The following SCAI variants were observed in gnomAD, a reference collection of about 807,000 sequenced individuals.
SCAI encodes protein SCAI.
In SCAI, 24 loss-of-function variants were observed where a neutral mutation model predicts 92.2. The observed-to-expected ratio is 0.26, with a 90% CI of 0.19 to 0.37. SCAI has a LOEUF of 0.37. SCAI is among the 10% of genes least tolerant of loss of function. The pLI is 1.00. For missense variants in SCAI, 450 were observed against 736.2 expected (o/e 0.61, Z 4.50); for synonymous variants, 261 against 258.6 (o/e 1.01, Z -0.09).
intron 14 of SCAI, among the ~76,000 whole-genome samples, chr9:124,985,469 A>T (rs1831969446): frequency 6.6e-6 from 1 of 152,156 alleles, no homozygotes; most frequent in African/African-American, 2.4e-5. Context: ...CATACAAGTA[A>T]TTTTTAAGAA....
chr9:125,056,011 TAAGAAAAC>T lies in SCAI; in HGVS notation c.99-12_99-5del. ...TTCTTTAAGAGCAAATTCAGTCCTGTAAGAAAACATATGTTCATTCATGCAGGAGGTAA... is the reference window on the plus strand; with the variant it reads ...TTCTTTAAGAGCAAATTCAGTCCTGTATATGTTCATTCATGCAGGAGGTAA... On this transcript the variant is annotated splice_polypyrimidine_tract_variant and splice_region_variant and intron_variant, in intron 2 of 17. Transcript: ENST00000336505. The T allele has an allele frequency of 1.9e-6, 3 of 1,595,504 alleles. No homozygotes were observed. The highest frequency in any genetic ancestry group is 2.6e-6 in the Non-Finnish European group (3 of 1,171,154).
chr9:125,100,183 C>T (rs1302158406), intron 2 of SCAI, among the ~76,000 whole-genome samples: 1 of 152,216 alleles, frequency 6.6e-6, no homozygotes, highest in Non-Finnish European at 1.5e-5. Context: ...GCTCTTGTCT[C>T]TTGTGGTGAT....
At chr9:125,055,253 T>C (rs866229480) in intron 3 of SCAI, among the ~76,000 whole-genome samples, 1 of 152,224 alleles carries the variant, frequency 6.6e-6, no homozygotes, top group African/African-American at 2.4e-5. Context: ...ACCTATTGTA[T>C]GAATTTTCTT....
intron 3 of SCAI, among the ~76,000 whole-genome samples, chr9:125,047,098 G>C (rs941513744): frequency 6.6e-6 from 1 of 152,024 alleles, no homozygotes; most frequent in Non-Finnish European, 1.5e-5. Flanking sequence ...CCCAAAACTC[G>C]TACATTCAAC....
chr9:125,108,196 C>G (rs1416640542), intron 2 of SCAI, among the ~76,000 whole-genome samples: 1 of 152,270 alleles, frequency 6.6e-6, no homozygotes, highest in African/African-American at 2.4e-5. Context: ...CTCCACCTCC[C>G]AGCCGCCTGC....
intron 9 of SCAI, among the ~76,000 whole-genome samples, chr9:125,005,815 C>T (rs1832494301): frequency 6.6e-6 from 1 of 152,114 alleles, no homozygotes; most frequent in Non-Finnish European, 1.5e-5. Context: ...GATATGGCCT[C>T]AGAGGAGAAC....
At chr9:124,961,875 GTT>G (rs1365986315) in intron 17 of SCAI, among the ~76,000 whole-genome samples, 9 of 132,494 alleles carry the variant, frequency 6.8e-5, no homozygotes, top group African/African-American at 1.7e-4. Flanking sequence ...CTTTGTGGCA[GTT>G]TTTTTTTTTT....
intron 9 of SCAI, among the ~76,000 whole-genome samples, chr9:125,014,877 A>C (rs953728886): frequency 6.6e-6 from 1 of 152,164 alleles, no homozygotes; most frequent in African/African-American, 2.4e-5. Flanking sequence ...AAATAACGCC[A>C]CGTATCTACA....
intron 16 of SCAI, 64 bp from the exon 17 acceptor site, chr9:124,971,534 A>G: frequency 1.4e-6 from 2 of 1,413,580 alleles, no homozygotes; most frequent in Non-Finnish European, 2.0e-6. Context: ...TCAAAGGGGA[A>G]GGAAACTTCA....
chr9:124,989,341 G>A (rs1167314392), intron 14 of SCAI, among the ~76,000 whole-genome samples: 1 of 152,116 alleles, frequency 6.6e-6, no homozygotes, highest in Non-Finnish European at 1.5e-5. Flanking sequence ...GCTCACGTCT[G>A]TAACCCTAGC....
chr9:124,977,117 C>T (rs1831775867), intron 14 of SCAI, among the ~76,000 whole-genome samples: 1 of 152,146 alleles, frequency 6.6e-6, no homozygotes, highest in South Asian at 2.1e-4. Flanking sequence ...GATCCACCCA[C>T]CTCGGCCTCC....
chr9:125,042,700 C>T (rs1365914831), intron 3 of SCAI, among the ~76,000 whole-genome samples: 4 of 146,886 alleles, frequency 2.7e-5, no homozygotes, highest in African/African-American at 1.0e-4. Flanking sequence ...CAGGAAGTTA[C>T]TTAGGAATTA....
intron 17 of SCAI, chr9:124,968,256 C>T: frequency 9.0e-7 from 1 of 1,110,350 alleles, no homozygotes; most frequent in Non-Finnish European, 1.3e-6. Context: ...GGGGTCTTGG[C>T]CTGACAGCTT....
In SCAI at chr9:124,952,618, C is replaced by A. The variant is rs1420520059; in HGVS notation, c.*189G>T. On this transcript the variant is annotated 3_prime_UTR_variant, in exon 18 of 18. Coordinates refer to ENST00000336505, the MANE Select transcript of SCAI (RefSeq NM_001144877.3). ...ATTCCAAGGTTAAGATTTTAAAAGA[C>A]CTGAAAGGTTGCATTTTAAAACAGT... The A allele has an allele frequency of 1.0e-5, 5 of 484,376 alleles. No homozygotes were observed. 30.0% of individuals were successfully genotyped at this position (484,376 alleles called of 1,614,324 possible).
At chr9:124,983,338 T>C (rs758226608) in intron 14 of SCAI, among the ~76,000 whole-genome samples, 2 of 152,064 alleles carry the variant, frequency 1.3e-5, no homozygotes, top group Non-Finnish European at 2.9e-5. Context: ...CTGACATTTA[T>C]GTAAGTATTT....
intron 17 of SCAI, among the ~76,000 whole-genome samples, chr9:124,958,371 A>G (rs979970042): frequency 6.6e-6 from 1 of 152,242 alleles, no homozygotes; most frequent in Admixed American, 6.5e-5. Flanking sequence ...CAAATCCTGT[A>G]GGTCAATGGA....
intron 2 of SCAI, among the ~76,000 whole-genome samples, chr9:125,081,935 G>A (rs948297060): frequency 2.0e-5 from 3 of 152,188 alleles, no homozygotes; most frequent in Non-Finnish European, 2.9e-5. Context: ...CTGACAATGT[G>A]ACAGAGAGGA....
intron 2 of SCAI, among the ~76,000 whole-genome samples, chr9:125,063,331 C>T (rs1833812719): frequency 6.7e-6 from 1 of 149,742 alleles, no homozygotes; most frequent in East Asian, 2.0e-4. Context: ...GAGCCAAGAT[C>T]GCACCACTGC....
At chr9:125,102,093 G>A (rs749418979) in intron 2 of SCAI, among the ~76,000 whole-genome samples, 1 of 152,064 alleles carries the variant, frequency 6.6e-6, no homozygotes, top group African/African-American at 2.4e-5. Context: ...CGGCATCCCT[G>A]GCCTCCACAC....
Sources: allele counts gnomAD v4.1 joint callset (sites outside exome capture counted in the v4.1 genomes callset), GRCh38; gene constraint gnomAD v4.1.1; transcripts MANE v1.5; gene names NCBI Gene and HGNC (gene_info 2026-07-23, HGNC 2026-07-21).